The following NXPE2 variants were observed in gnomAD, a reference collection of about 807,000 sequenced individuals.
NXPE2 encodes NXPE family member 2.
Under a neutral mutation model 34.4 loss-of-function variants are expected in NXPE2, and 34 were observed. The observed-to-expected ratio is 0.99, with a 90% CI of 0.75 to 1.31. NXPE2 has a LOEUF of 1.31. Ranked by LOEUF, NXPE2 falls within the 40% of genes most tolerant of loss-of-function variation. The probability of loss-of-function intolerance (pLI) is 0.00; values close to 1 mark genes in which losing one functional copy is unlikely to be tolerated. For synonymous variants in NXPE2, 235 were observed against 231.3 expected (o/e 1.02, Z -0.15); for missense variants, 649 against 672.5 (o/e 0.97, Z 0.39).
chr11:114,719,149 C>T, the NXPE2 span, among the ~76,000 whole-genome samples: 1 of 152,140 alleles, frequency 6.6e-6, no homozygotes, highest in African/African-American at 2.4e-5. Context: ...TATCCTCAAA[C>T]CTCTATTTCA....
the NXPE2 span, among the ~76,000 whole-genome samples, chr11:114,632,513 T>A: frequency 8.0e-6 from 1 of 124,922 alleles, no homozygotes; most frequent in East Asian, 2.1e-4. Flanking sequence ...TATTTTATTT[T>A]ATATTATATT....
At chr11:114,689,870 T>C (rs1269991750) in intron 2 of NXPE2, among the ~76,000 whole-genome samples, 1 of 152,154 alleles carries the variant, frequency 6.6e-6, no homozygotes, top group Non-Finnish European at 1.5e-5. Context: ...TTTTTTAAAT[T>C]TTTTGGTTTA....
At chr11:114,491,442 A>G in the NXPE2 span, among the ~76,000 whole-genome samples, 1 of 152,182 alleles carries the variant, frequency 6.6e-6, no homozygotes, top group Non-Finnish European at 1.5e-5. Context: ...AGAAATGCAA[A>G]TCAAAACCAC....
At chr11:114,779,181 C>T in the NXPE2 span, among the ~76,000 whole-genome samples, 2 of 152,218 alleles carry the variant, frequency 1.3e-5, no homozygotes, top group African/African-American at 2.4e-5. Context: ...ATATAAGAAA[C>T]TTTTCTTCCT....
the NXPE2 span, among the ~76,000 whole-genome samples, chr11:114,581,193 T>C: frequency 6.6e-6 from 1 of 152,220 alleles, no homozygotes; most frequent in East Asian, 1.9e-4. Flanking sequence ...GATAAGAATT[T>C]CCTAGGCTAT....
At chr11:114,602,022 T>G in the NXPE2 span, among the ~76,000 whole-genome samples, 177 of 90,244 alleles carry the variant, frequency 2.0e-3, no homozygotes, top group Non-Finnish European at 2.9e-3. Context: ...TTATATATAA[T>G]ATATGTTATA....
chr11:114,689,809 ATCT>A (rs1475650335), intron 2 of NXPE2, among the ~76,000 whole-genome samples: 3 of 152,084 alleles, frequency 2.0e-5, no homozygotes, highest in Non-Finnish European at 4.4e-5. Context: ...GGATAGTTAC[ATCT>A]TCTTGTTAAA....
chr11:114,613,104 G>T, the NXPE2 span, among the ~76,000 whole-genome samples: 44 of 151,486 alleles, frequency 2.9e-4, 1 homozygote, highest in African/African-American at 1.0e-3. Flanking sequence ...TGCCTCCCAG[G>T]TAACCACTGT....
chr11:114,727,243 A>C, the NXPE2 span, among the ~76,000 whole-genome samples: 1 of 152,114 alleles, frequency 6.6e-6, no homozygotes, highest in African/African-American at 2.4e-5. Flanking sequence ...TAGAAGTCTG[A>C]GATCAGGGTG....
chr11:114,797,726 A>G, the NXPE2 span, among the ~76,000 whole-genome samples: 6 of 152,250 alleles, frequency 3.9e-5, no homozygotes, highest in Admixed American at 1.3e-4. Flanking sequence ...GCCATAAGAC[A>G]GGGAAGACAT....
downstream of NXPE2, among the ~76,000 whole-genome samples, chr11:114,708,494 T>A (rs905379007): frequency 6.6e-6 from 1 of 152,040 alleles, no homozygotes; most frequent in Non-Finnish European, 1.5e-5. Flanking sequence ...TAGGACTGTG[T>A]TTCTTAGTTA....
Position 114,706,513 on chromosome 11 carries a change from A to T in NXPE2, c.1263A>T (p.Lys421Asn). ...ATGGTCATCCATTTGTTACCAAAAA[A>T]TTATTCTCAGTGAAAGATGAAAACT... is the stretch of plus-strand genomic sequence containing the variant. ...KKHGHPFVTK[K>N]LFSVKDENYI... Residue 421 changes from lysine to asparagine, a missense_variant, in exon 6 of 6, where the codon AAA (lysine) becomes AAT (asparagine). Transcript: ENST00000389586. 6.4e-7 allele frequency: 1 copy of T among 1,551,870 alleles called. No homozygotes were observed. Among genetic ancestry groups the T allele is most frequent in the Non-Finnish European group, 8.7e-7 (1 of 1,146,982 alleles).
At chr11:114,774,501 C>T in the NXPE2 span, among the ~76,000 whole-genome samples, 2 of 152,194 alleles carry the variant, frequency 1.3e-5, no homozygotes, top group Non-Finnish European at 2.9e-5. Flanking sequence ...GGTTATCCGC[C>T]GGGACGGTAA....
chr11:114,696,024 GAAA>G (rs1050398292), intron 2 of NXPE2, among the ~76,000 whole-genome samples: 2 of 150,342 alleles, frequency 1.3e-5, no homozygotes, highest in African/African-American at 4.9e-5. Context: ...TCTCGATTAA[GAAA>G]AAAAAGAAGA....
the NXPE2 span, among the ~76,000 whole-genome samples, chr11:114,626,610 A>C: frequency 6.2e-4 from 94 of 152,232 alleles, no homozygotes; most frequent in Admixed American, 1.4e-3. Context: ...TAAAAAGCAG[A>C]GCGCCTCTCC....
At chr11:114,684,453 A>G (rs1951007404) in intron 2 of NXPE2, among the ~76,000 whole-genome samples, 1 of 152,066 alleles carries the variant, frequency 6.6e-6, no homozygotes, top group African/African-American at 2.4e-5. Context: ...AAAAAAATAG[A>G]TTTAGGAAAC....
chr11:114,610,314 G>A, the NXPE2 span, among the ~76,000 whole-genome samples: 1 of 151,444 alleles, frequency 6.6e-6, no homozygotes, highest in Non-Finnish European at 1.5e-5. Flanking sequence ...TGTAACCACT[G>A]TTATCCGGTG....
chr11:114,811,504 A>C, the NXPE2 span, among the ~76,000 whole-genome samples: 2 of 152,180 alleles, frequency 1.3e-5, no homozygotes, highest in Admixed American at 1.3e-4. Context: ...GGCTAGGGGA[A>C]AAGAATGGTG....
At chr11:114,637,905 T>C in the NXPE2 span, among the ~76,000 whole-genome samples, 1 of 152,036 alleles carries the variant, frequency 6.6e-6, no homozygotes, top group African/African-American at 2.4e-5. Context: ...CATTTTTTCC[T>C]TCCTTTCAAC....
Sources: gnomAD v4.1 joint callset for allele counts (sites outside exome capture counted in the v4.1 genomes callset) on GRCh38, gnomAD v4.1.1 for gene constraint, MANE v1.5 for transcripts, NCBI Gene and HGNC (gene_info 2026-07-23, HGNC 2026-07-21) for gene names.